TAS2R1: variants seen among roughly 807,000 people sequenced by gnomAD.
The protein encoded by TAS2R1 is taste 2 receptor member 1.
For synonymous variants in TAS2R1, 141 were observed against 134.2 expected (o/e 1.05, Z -0.35); for missense variants, 370 against 353.4 (o/e 1.05, Z -0.38).
chr5:9,848,856 C>T, the TAS2R1 span, among the ~76,000 whole-genome samples: 2 of 152,114 alleles, frequency 1.3e-5, no homozygotes, highest in Non-Finnish European at 2.9e-5. Context: ...TGTGTTTTTG[C>T]CTGCAACTAA....
the TAS2R1 span, among the ~76,000 whole-genome samples, chr5:9,733,764 T>C: frequency 1.3e-3 from 194 of 152,136 alleles, no homozygotes; most frequent in Middle Eastern, 6.8e-3. Context: ...GCTTGCTTCA[T>C]ATCACAAGTA....
chr5:9,691,426 G>A (rs1343555162), intron 1 of TAS2R1, among the ~76,000 whole-genome samples: 1 of 152,258 alleles, frequency 6.6e-6, no homozygotes, highest in Non-Finnish European at 1.5e-5. Flanking sequence ...AAGCCACCAG[G>A]CTTGTGGTAC....
At chr5:9,869,714 T>G in the TAS2R1 span, among the ~76,000 whole-genome samples, 1 of 152,248 alleles carries the variant, frequency 6.6e-6, no homozygotes, top group Non-Finnish European at 1.5e-5. Context: ...TGGGACTAGA[T>G]TGTTGAAAGT....
the TAS2R1 span, among the ~76,000 whole-genome samples, chr5:9,779,125 G>A: frequency 3.1e-3 from 473 of 152,300 alleles, 3 homozygotes; most frequent in African/African-American, 0.01. Flanking sequence ...GCTTGGTGCC[G>A]TCCTCGCAGT....
the TAS2R1 span, among the ~76,000 whole-genome samples, chr5:9,787,218 T>G: frequency 6.6e-6 from 1 of 152,216 alleles, no homozygotes; most frequent in Non-Finnish European, 1.5e-5. Context: ...ATGTATCAGC[T>G]TCTCACCAAT....
the TAS2R1 span, among the ~76,000 whole-genome samples, chr5:9,845,993 T>C: frequency 6.6e-5 from 10 of 152,298 alleles, no homozygotes; most frequent in Admixed American, 2.6e-4. Context: ...ATTCATATAT[T>C]AGCATGAGCT....
At position 9,704,512 on chromosome 5, in the gene TAS2R1, A is replaced by G. The variant is rs183412444; in HGVS notation, c.-242+7660T>C. Among the ~76,000 whole-genome samples, 13 of 152,362 alleles carry G rather than the reference A, an allele frequency of 8.5e-5. No individual in the cohort carries two copies. In the East Asian group the frequency reaches 2.5e-3, roughly 29 times the overall value. On this transcript the variant is annotated intron_variant, in intron 1 of 2. Coordinates refer to the TAS2R1 transcript ENST00000506620. ...CTCAAAGCACAGCAAAAGGCAGTTC[A>G]CGATGAAGAAACCAAATGAAGTCAT...
chr5:9,889,845 G>A, the TAS2R1 span: 1 of 152,228 alleles, frequency 6.6e-6, no homozygotes, highest in Non-Finnish European at 1.5e-5. Flanking sequence ...TCTCAGACCT[G>A]AAACCAGAAT....
At chr5:9,713,728 G>A (rs191884645), upstream of TAS2R1, 34 of 152,312 alleles carry the variant, frequency 2.2e-4, no homozygotes, top group African/African-American at 6.7e-4. Context: ...AAAAATGCAC[G>A]TGGTGCAGTT....
At chr5:9,813,602 T>C in the TAS2R1 span, among the ~76,000 whole-genome samples, 1 of 152,178 alleles carries the variant, frequency 6.6e-6, no homozygotes. Flanking sequence ...AAGGTTTGTT[T>C]GTTCTAAGCC....
chr5:9,703,560 C>A (rs1370979777), intron 1 of TAS2R1, among the ~76,000 whole-genome samples: 1 of 152,070 alleles, frequency 6.6e-6, no homozygotes, highest in African/African-American at 2.4e-5. Flanking sequence ...ACACAAAGCA[C>A]CCCTGATCAG....
chr5:9,685,361 A>G (rs6881965), intron 1 of TAS2R1, among the ~76,000 whole-genome samples: 222 of 152,286 alleles, frequency 1.5e-3, no homozygotes, highest in African/African-American at 5.2e-3. Flanking sequence ...AGACTAAAAC[A>G]TGTCAAGGAA....
At chr5:9,803,685 C>T in the TAS2R1 span, among the ~76,000 whole-genome samples, 1 of 152,074 alleles carries the variant, frequency 6.6e-6, no homozygotes, top group African/African-American at 2.4e-5. Context: ...TCCAGACAAA[C>T]AAATGCTGAG....
At chr5:9,657,175 A>G (rs1415057858) in intron 2 of TAS2R1, among the ~76,000 whole-genome samples, 1 of 152,108 alleles carries the variant, frequency 6.6e-6, no homozygotes, top group African/African-American at 2.4e-5. Flanking sequence ...GAAATTATGC[A>G]TGAGTTTTTT....
the TAS2R1 span, among the ~76,000 whole-genome samples, chr5:9,760,190 T>G: frequency 6.6e-6 from 1 of 152,186 alleles, no homozygotes; most frequent in Non-Finnish European, 1.5e-5. Context: ...TTAAAGAAAT[T>G]AAATCAACAA....
chr5:9,703,673 G>A (rs1741538483), intron 1 of TAS2R1, among the ~76,000 whole-genome samples: 1 of 152,088 alleles, frequency 6.6e-6, no homozygotes, highest in Non-Finnish European at 1.5e-5. Context: ...ACCTTCCTCA[G>A]AACATGAAAG....
At chr5:9,899,206 C>T in the TAS2R1 span, among the ~76,000 whole-genome samples, 1 of 152,156 alleles carries the variant, frequency 6.6e-6, no homozygotes, top group East Asian at 1.9e-4. Context: ...TGTATGACCA[C>T]CAGAGGAGTT....
intron 1 of TAS2R1, among the ~76,000 whole-genome samples, chr5:9,692,934 C>A (rs914006127): frequency 1.2e-4 from 18 of 152,082 alleles, no homozygotes; most frequent in Non-Finnish European, 2.5e-4. Context: ...CTGAAGGCGG[C>A]TCATTTGGTT....
At chr5:9,729,572 A>G in the TAS2R1 span, among the ~76,000 whole-genome samples, 1 of 140,062 alleles carries the variant, frequency 7.1e-6, no homozygotes, top group Non-Finnish European at 1.5e-5. Context: ...AATCCAAAAG[A>G]CCCTTTTTTT....
Sources: allele counts gnomAD v4.1 joint callset (sites outside exome capture counted in the v4.1 genomes callset), GRCh38; gene constraint gnomAD v4.1.1; transcripts MANE v1.5; gene names NCBI Gene and HGNC (gene_info 2026-07-23, HGNC 2026-07-21).